KIRREL1: variants seen among roughly 807,000 people sequenced by gnomAD.
KIRREL1 encodes the protein kin of IRRE-like protein 1.
KIRREL1 carries 25 observed loss-of-function variants against 83.3 expected under a neutral mutation model. The ratio of observed to expected loss-of-function variants is 0.30; its 90% CI spans 0.22 to 0.42. The LOEUF is 0.42. Ranked by LOEUF, KIRREL1 falls within the 10% of genes least tolerant of loss-of-function variation. The pLI, the probability that KIRREL1 is intolerant of heterozygous loss-of-function variation, is 1.00. For synonymous variants in KIRREL1, 388 were observed against 410.4 expected (o/e 0.95, Z 0.66); for missense variants, 812 against 1,032.3 (o/e 0.79, Z 2.92).
At chr1:158,039,402 A>T (rs533964052) in intron 1 of KIRREL1, among the ~76,000 whole-genome samples, 4 of 152,208 alleles carry the variant, frequency 2.6e-5, no homozygotes, top group Non-Finnish European at 2.9e-5. Flanking sequence ...TGCTTCCTTT[A>T]TGGCCCCTCA....
intron 1 of KIRREL1, among the ~76,000 whole-genome samples, chr1:158,048,503 G>C (rs1340376940): frequency 6.6e-6 from 1 of 152,168 alleles, no homozygotes; most frequent in African/African-American, 2.4e-5. Flanking sequence ...CTGAAGCTGT[G>C]GGGGAAGAAA....
At chr1:158,036,139 G>A (rs769331005) in intron 1 of KIRREL1, among the ~76,000 whole-genome samples, 1 of 152,138 alleles carries the variant, frequency 6.6e-6, no homozygotes, top group Non-Finnish European at 1.5e-5. Context: ...GGGACCTTGG[G>A]CCTTGACATT....
intron 1 of KIRREL1, among the ~76,000 whole-genome samples, chr1:158,037,279 G>A (rs967722515): frequency 6.6e-6 from 1 of 152,134 alleles, no homozygotes; most frequent in Non-Finnish European, 1.5e-5. Context: ...TGGATCACAA[G>A]GTCAGGACTT....
Position 158,097,677 on chromosome 1 carries a change from C to G in KIRREL1, c.*2557C>G, listed in dbSNP as rs1662389351. The G allele has an allele frequency of 6.5e-6, 1 of 152,726 alleles. No individual in the cohort carries two copies. Among genetic ancestry groups the G allele is most frequent in the Non-Finnish European group, 1.5e-5 (1 of 68,476 alleles). 9.5% of individuals were successfully genotyped at this position (152,726 alleles called of 1,614,324 possible). ...TGAATTGGAACCTACCTGATGGGCC[C>G]AGTGGAATAGCTTTTCTGGGGAGTG... On this transcript the variant is annotated 3_prime_UTR_variant, in exon 15 of 15. Coordinates refer to ENST00000359209, the MANE Select transcript of KIRREL1 (RefSeq NM_018240.7).
intron 1 of KIRREL1, among the ~76,000 whole-genome samples, chr1:158,066,166 G>A (rs1369201662): frequency 6.6e-6 from 1 of 151,962 alleles, no homozygotes; most frequent in Non-Finnish European, 1.5e-5. Flanking sequence ...AAGCCACCGG[G>A]AATTTGGAGA....
chr1:158,031,330 C>T (rs1660319562), intron 1 of KIRREL1, among the ~76,000 whole-genome samples: 4 of 150,694 alleles, frequency 2.7e-5, no homozygotes, highest in Admixed American at 2.0e-4. Context: ...CCACTAAACA[C>T]ACACACGCGC....
chr1:158,069,711 GA>G, intron 1 of KIRREL1, among the ~76,000 whole-genome samples: 1 of 152,294 alleles, frequency 6.6e-6, no homozygotes, highest in Admixed American at 6.5e-5. Flanking sequence ...CATTCCAAGG[GA>G]GCCAGTGGCC....
chr1:158,086,488 A>C lies in KIRREL1; in HGVS notation c.511-108A>C, dbSNP rs183898560. On this transcript the variant is annotated intron_variant, in intron 4 of 14. Transcript: ENST00000359209. ...GTGGGAGTGAAGGGGATTGAGCTTT[A>C]AGTTAAAGTACCCCTCCAGCCCAAG... 38 of 1,079,748 alleles carry C rather than the reference A, an allele frequency of 3.5e-5. No homozygotes were observed. The East Asian group carries it at 7.6e-4, about 22-fold the overall frequency. The allele number at this position is 1,079,748 out of a possible 1,614,324, so 66.9% of individuals were successfully genotyped here. A position where few individuals can be genotyped will look rare whatever the true frequency, so the allele number is the denominator to read the frequency against.
At chr1:158,059,690 A>C (rs1385465887) in intron 1 of KIRREL1, among the ~76,000 whole-genome samples, 1 of 152,130 alleles carries the variant, frequency 6.6e-6, no homozygotes, top group Non-Finnish European at 1.5e-5. Flanking sequence ...GCATCAGGGT[A>C]GGCAGGGGTG....
intron 1 of KIRREL1, among the ~76,000 whole-genome samples, chr1:158,047,221 T>C (rs1169723117): frequency 6.6e-6 from 1 of 152,184 alleles, no homozygotes; most frequent in Non-Finnish European, 1.5e-5. Flanking sequence ...AGGAAGTCAG[T>C]ATTGAATGCC....
In KIRREL1 at chr1:158,094,745, C is replaced by T. The variant is rs143362856; in HGVS notation, c.1899C>T (p.Phe633=). The T allele has an allele frequency of 2.6e-4, 427 of 1,613,578 alleles. No individual in the cohort carries two copies. Among genetic ancestry groups the T allele is most frequent in the Admixed American group, 4.5e-4 (27 of 59,988 alleles). The stretch of plus-strand genomic sequence containing the variant: ...ACCGTGCCCCTGGCCCTGCCCGCTT[C>T]GACGGCCGCCCCTCATCCCGTCTCT... ...ADYRAPGPAR[F]DGRPSSRLSH... The change falls in exon 15 of 15, where the codon TTC becomes TTT. Residue 633 remains phenylalanine (F), a synonymous_variant. Transcript: ENST00000359209. The surrounding 1 kb of genome is among the most constrained non-coding windows in gnomAD (Gnocchi z 4.6).
chr1:158,098,930 T>C lies in KIRREL1; in HGVS notation c.*3810T>C, dbSNP rs1662422685. 6.6e-6 allele frequency: 1 copy of C among 152,364 alleles called. No individual in the cohort carries two copies. The highest frequency in any genetic ancestry group is 1.5e-5 in the Non-Finnish European group (1 of 68,040). The allele number at this position is 152,364 out of a possible 1,614,324, so 9.4% of individuals were successfully genotyped here. ...ACCTGTCAGGAGCCACAGGGCTCCA[T>C]AAAACGGAATCAGTGTCTCAATATA... On this transcript the variant is annotated 3_prime_UTR_variant, in exon 15 of 15. Coordinates refer to ENST00000359209, the MANE Select transcript of KIRREL1 (RefSeq NM_018240.7).
Position 158,093,633 on chromosome 1 carries a change from C to A in KIRREL1, c.1590C>A (p.Asp530Glu). 2 of 1,614,174 alleles carry A rather than the reference C, an allele frequency of 1.2e-6. No individual in the cohort carries two copies. Among genetic ancestry groups the A allele is most frequent in the Non-Finnish European group, 1.7e-6 (2 of 1,180,024 alleles). ...LYRRRKGSRK[D>E]VTLRKLDIKV... Reference sequence around the variant, plus strand: ...CCTCTCCCGTCCCAGGTCGCAAAGACGTGACCCTGAGGAAGCTGGATATCA... The same window carrying A: ...CCTCTCCCGTCCCAGGTCGCAAAGAAGTGACCCTGAGGAAGCTGGATATCA... The change falls in exon 13 of 15, where the codon GAC becomes GAA. Residue 530 changes from aspartate to glutamate, a missense_variant. By Grantham distance (45) the Asp-to-Glu change is conservative. Transcript: ENST00000359209.
At chr1:157,999,950 GT>G (rs1482953627) in intron 1 of KIRREL1, among the ~76,000 whole-genome samples, 2 of 152,074 alleles carry the variant, frequency 1.3e-5, no homozygotes, top group Non-Finnish European at 2.9e-5. Context: ...GAAGTTAGGT[GT>G]TATCCCCATT....
intron 1 of KIRREL1, among the ~76,000 whole-genome samples, chr1:158,021,704 G>A (rs1315904711): frequency 6.6e-6 from 1 of 152,030 alleles, no homozygotes; most frequent in East Asian, 1.9e-4. Flanking sequence ...CCCTTTCCTG[G>A]GAAAGACTGA....
chr1:158,003,130 C>T (rs746143243), intron 1 of KIRREL1, among the ~76,000 whole-genome samples: 10 of 152,190 alleles, frequency 6.6e-5, no homozygotes, highest in South Asian at 6.2e-4. Context: ...AGGAACAGCC[C>T]GGGGCCTTGC....
rs1356685799 is a variant in KIRREL1 at position 158,096,808 on chromosome 1, A to G, written c.*1688A>G. On this transcript the variant is annotated 3_prime_UTR_variant, in exon 15 of 15. Transcript: ENST00000359209. Reference sequence around the variant, plus strand: ...GGAGTTGGCTGTTTCCCGCCTCCCCAGCTGCATGTCCAGCCCAGTGGGAGA... The same window carrying G: ...GGAGTTGGCTGTTTCCCGCCTCCCCGGCTGCATGTCCAGCCCAGTGGGAGA... The G allele has an allele frequency of 1.5e-5, 7 of 456,566 alleles. No homozygotes were observed. The highest frequency in any genetic ancestry group is 2.3e-5 in the Admixed American group (1 of 42,554). 28.3% of individuals were successfully genotyped at this position (456,566 alleles called of 1,614,324 possible).
At chr1:158,031,555 G>A (rs1330298838) in intron 1 of KIRREL1, among the ~76,000 whole-genome samples, 1 of 152,210 alleles carries the variant, frequency 6.6e-6, no homozygotes, top group Non-Finnish European at 1.5e-5. Flanking sequence ...AGAATAGTGT[G>A]TGTAATGCTC....
chr1:158,020,667 T>C (rs1225328603), intron 1 of KIRREL1, among the ~76,000 whole-genome samples: 1 of 149,730 alleles, frequency 6.7e-6, no homozygotes, highest in Non-Finnish European at 1.5e-5. Context: ...GATTATCCAC[T>C]TGGTAGATCC....
Sources: gnomAD v4.1 joint callset for allele counts (sites outside exome capture counted in the v4.1 genomes callset) on GRCh38, gnomAD v4.1.1 for gene constraint, Gnocchi (gnomAD v3.1) non-coding constraint, MANE v1.5 for transcripts, NCBI Gene and HGNC (gene_info 2026-07-23, HGNC 2026-07-21) for gene names.